Variants in TTBK2 observed in about 807,000 individuals in gnomAD.
The protein encoded by TTBK2 is tau tubulin kinase 2.
Under a neutral mutation model 110.8 loss-of-function variants are expected in TTBK2, and 28 were observed. The observed-to-expected ratio is 0.25, with a 90% CI of 0.19 to 0.35. TTBK2 has a LOEUF of 0.35. Among genes scored for constraint, TTBK2 ranks in the 10% least tolerant of loss-of-function variants. TTBK2 has a pLI of 1.00. For synonymous variants in TTBK2, 532 were observed against 527.3 expected (o/e 1.01, Z -0.12); for missense variants, 1,369 against 1,500.3 (o/e 0.91, Z 1.45).
At chr15:42,918,362 T>A (rs1440089986) in intron 1 of TTBK2, among the ~76,000 whole-genome samples, 3 of 152,178 alleles carry the variant, frequency 2.0e-5, no homozygotes, top group Non-Finnish European at 2.9e-5. Flanking sequence ...GTTTTTTTTT[T>A]TAAAGCAGCA....
At chr15:42,786,074 C>T (rs138649845) in intron 10 of TTBK2, among the ~76,000 whole-genome samples, 5 of 151,298 alleles carry the variant, frequency 3.3e-5, no homozygotes, top group African/African-American at 1.2e-4. Flanking sequence ...TCTTTATCAA[C>T]AATTTACAAG....
rs976534516 is a variant in TTBK2, at chr15:42,748,574, C to T, written c.3273-2317G>A. Among the ~76,000 whole-genome samples, 4 of 152,076 alleles carry T rather than the reference C, an allele frequency of 2.6e-5. No individual in the cohort carries two copies. In the South Asian group the frequency reaches 6.2e-4, roughly 24 times the overall value. ...TAGCTGGGAATACAGCTGTGTAGCA[C>T]CCGTGCCTGGCTAATTCTTGTAGAG... On this transcript the variant is annotated intron_variant, in intron 14 of 14. Coordinates refer to ENST00000267890, the MANE Select transcript of TTBK2 (RefSeq NM_173500.4).
chr15:42,838,824 A>T (rs1024649942), intron 4 of TTBK2, among the ~76,000 whole-genome samples: 1 of 152,186 alleles, frequency 6.6e-6, no homozygotes, highest in South Asian at 2.1e-4. Context: ...TCAAAAAAAA[A>T]ATATACAGGG....
intron 3 of TTBK2, among the ~76,000 whole-genome samples, chr15:42,850,881 A>G (rs1303897397): frequency 6.6e-6 from 1 of 151,980 alleles, no homozygotes; most frequent in South Asian, 2.1e-4. Context: ...AATTACCCAA[A>G]GTGTGAGAAA....
At position 42,872,775 on chromosome 15, in the gene TTBK2, A is replaced by AAC. The variant is rs1162997702; in HGVS notation, c.70-19_70-18dup. The AAC allele has an allele frequency of 6.2e-7, 1 of 1,613,758 alleles. No homozygotes were observed. Among genetic ancestry groups the AAC allele is most frequent in the Admixed American group, 1.7e-5 (1 of 59,998 alleles). ...CTTTCTCAACTGCACAGAAAATAAG[A>AAC]ACACACACACTCTAAATTACTAGAA... On this transcript the variant is annotated splice_polypyrimidine_tract_variant and intron_variant, in intron 2 of 14. Coordinates refer to ENST00000267890, the MANE Select transcript of TTBK2 (RefSeq NM_173500.4).
rs2061791266 is a variant in TTBK2, at chr15:42,746,071, G to C, written c.3459C>G (p.Ala1153=). The C allele has an allele frequency of 6.2e-7, 1 of 1,614,034 alleles. No individual in the cohort carries two copies. ...GAGGCAAGGATGAGCTTCGAGGAGA[G>C]GCACTGGGACTCCTGCGAGGGACAA... The part of the protein sequence containing the change: ...SPVVPRRSPS[A]SPRSSSLPRT... The change falls in exon 15 of 15, where the codon GCC becomes GCG. Residue 1153 remains alanine (A), a synonymous_variant. Coordinates refer to ENST00000267890, the MANE Select transcript of TTBK2 (RefSeq NM_173500.4).
chr15:42,911,108 A>G (rs2030728395), intron 1 of TTBK2, among the ~76,000 whole-genome samples: 1 of 152,146 alleles, frequency 6.6e-6, no homozygotes. Flanking sequence ...TAAGGGCCAA[A>G]TGCATACAAA....
At chr15:42,790,378 G>A (rs1192386350) in intron 10 of TTBK2, among the ~76,000 whole-genome samples, 1 of 150,148 alleles carries the variant, frequency 6.7e-6, no homozygotes. Flanking sequence ...TCCATTTCCT[G>A]GACTCAAGCC....
chr15:42,758,301 T>G (rs1481206978), intron 13 of TTBK2, among the ~76,000 whole-genome samples: 1 of 152,218 alleles, frequency 6.6e-6, no homozygotes, highest in Non-Finnish European at 1.5e-5. Flanking sequence ...TTTTAGCCAT[T>G]CAAATTCTAC....
In TTBK2 at chr15:42,745,650, T is replaced by C. The variant is rs1388200885; in HGVS notation, c.*145A>G. On this transcript the variant is annotated 3_prime_UTR_variant, in exon 15 of 15. Transcript: ENST00000267890. ...TTAGGTAATTCCTTATCATGTATTATGTCTTCTTATAAATAATTGATCATG... is the reference window on the plus strand; with the variant it reads ...TTAGGTAATTCCTTATCATGTATTACGTCTTCTTATAAATAATTGATCATG... 3.0e-6 allele frequency: 3 copies of C among 987,334 alleles called. No homozygotes were observed. Among genetic ancestry groups the C allele is most frequent in the South Asian group, 1.4e-5 (1 of 72,762 alleles). The allele number at this position is 987,334 out of a possible 1,614,324, so 61.2% of individuals were successfully genotyped here. A position where few individuals can be genotyped will look rare whatever the true frequency, so the allele number is the denominator to read the frequency against.
intron 13 of TTBK2, among the ~76,000 whole-genome samples, chr15:42,758,472 A>G (rs924123944): frequency 6.6e-6 from 1 of 152,034 alleles, no homozygotes; most frequent in Admixed American, 6.5e-5. Context: ...CCTGACCAAC[A>G]TGCAGAAACC....
At position 42,821,789 on chromosome 15, in the gene TTBK2, A is replaced by G. The variant is rs541414607; in HGVS notation, c.538-4692T>C. On this transcript the variant is annotated intron_variant, in intron 6 of 14. Coordinates refer to ENST00000267890, the MANE Select transcript of TTBK2 (RefSeq NM_173500.4). ...ACTGCAAGCTCCACCTCCCGGGTTC[A>G]CCCCATTCTCCTGCCTCAGCCTCCC... Among the ~76,000 whole-genome samples the G allele has an allele frequency of 5.4e-5, 8 of 148,768 alleles. No individual in the cohort carries two copies. In the South Asian group the frequency reaches 1.7e-3, roughly 32 times the overall value.
chr15:42,834,259 A>G (rs1282681135), intron 4 of TTBK2, among the ~76,000 whole-genome samples: 1 of 152,020 alleles, frequency 6.6e-6, no homozygotes, highest in Admixed American at 6.6e-5. Context: ...CAATTATATC[A>G]TTGTAAATTT....
At position 42,844,740 on chromosome 15, in the gene TTBK2, G is replaced by A. The variant is rs141608434; in HGVS notation, c.218-4307C>T. On this transcript the variant is annotated intron_variant, in intron 3 of 14. Transcript: ENST00000267890. Reference sequence around the variant, plus strand: ...GTTACTTTGTCCAAAATTACAACCAGAACATGAAGCAGTTTAATTCCAGAG... The same window carrying A: ...GTTACTTTGTCCAAAATTACAACCAAAACATGAAGCAGTTTAATTCCAGAG... Among the ~76,000 whole-genome samples, 232 of 152,286 alleles carry A rather than the reference G, an allele frequency of 1.5e-3. 1 individual carries two copies. Among genetic ancestry groups the A allele is most frequent in the African/African-American group, 5.0e-3 (208 of 41,564 alleles).
intron 13 of TTBK2, among the ~76,000 whole-genome samples, chr15:42,768,290 G>C (rs886509927): frequency 2.0e-5 from 3 of 152,162 alleles, no homozygotes; most frequent in Non-Finnish European, 4.4e-5. Flanking sequence ...AAGAAATAAA[G>C]GGTATTCAAT....
intron 1 of TTBK2, among the ~76,000 whole-genome samples, chr15:42,880,194 T>A (rs1306023943): frequency 6.6e-6 from 1 of 152,102 alleles, no homozygotes; most frequent in East Asian, 1.9e-4. Context: ...GAACTGGTGT[T>A]AAACCCATCC....
intron 7 of TTBK2, among the ~76,000 whole-genome samples, chr15:42,814,980 G>C (rs1249619990): frequency 6.6e-6 from 1 of 152,100 alleles, no homozygotes; most frequent in African/African-American, 2.4e-5. Flanking sequence ...AACAGTAAAA[G>C]TACATAATCT....
chr15:42,793,752 G>A (rs1455203689), intron 10 of TTBK2, among the ~76,000 whole-genome samples: 1 of 151,906 alleles, frequency 6.6e-6, no homozygotes, highest in Non-Finnish European at 1.5e-5. Context: ...GGAGGCTGAG[G>A]CAGGAAAATC....
intron 2 of TTBK2, among the ~76,000 whole-genome samples, chr15:42,874,426 C>T (rs1229808738): frequency 6.6e-6 from 1 of 151,918 alleles, no homozygotes; most frequent in Non-Finnish European, 1.5e-5. Flanking sequence ...AAGCAATTCT[C>T]CTGCCTCAGC....
Sources: allele counts gnomAD v4.1 joint callset (sites outside exome capture counted in the v4.1 genomes callset), GRCh38; gene constraint gnomAD v4.1.1; transcripts MANE v1.5; gene names NCBI Gene and HGNC (gene_info 2026-07-23, HGNC 2026-07-21).